The following GBP2 variants were observed in gnomAD, a reference collection of about 807,000 sequenced individuals.
GBP2 encodes guanylate-binding protein 2.
In GBP2, 54 loss-of-function variants were observed where a neutral mutation model predicts 60.8. The observed-to-expected ratio is 0.89, with a 90% CI of 0.71 to 1.11. The LOEUF is 1.11. Among genes scored for constraint, GBP2 ranks in the 50% most tolerant of loss-of-function variants. GBP2 has a pLI of 0.00. For missense variants in GBP2, 665 were observed against 703.3 expected, an observed-to-expected ratio of 0.95 and a Z score of 0.62; for synonymous variants, 243 against 256.5, an observed-to-expected ratio of 0.95 and a Z score of 0.50.
intron 1 of GBP2, among the ~76,000 whole-genome samples, chr1:89,125,208 T>C (rs1371865433): frequency 2.0e-5 from 3 of 152,214 alleles, no homozygotes; most frequent in Admixed American, 2.0e-4. Context: ...CCTTCTTCTA[T>C]AATAAAGAGT....
chr1:89,121,344 A>G lies in GBP2; in HGVS notation c.191-74T>C, dbSNP rs2100619843. The stretch of plus-strand genomic sequence containing the variant: ...TCTGGAAATTGAGATAAAAGTTAAC[A>G]TAATTGAAGTTAAAAGAGATAAAAG... On this transcript the variant is annotated intron_variant, in intron 2 of 10. Transcript: ENST00000370466. 2.3e-6 allele frequency: 3 copies of G among 1,331,630 alleles called. No homozygotes were observed. The South Asian group carries it at 4.6e-5, about 20-fold the overall frequency. The allele number at this position is 1,331,630 out of a possible 1,614,324, so 82.5% of individuals were successfully genotyped here. A position where few individuals can be genotyped will look rare whatever the true frequency, so the allele number is the denominator to read the frequency against.
At chr1:89,112,126 G>C (rs1023020678) in intron 8 of GBP2, among the ~76,000 whole-genome samples, 4 of 152,082 alleles carry the variant, frequency 2.6e-5, no homozygotes, top group African/African-American at 9.7e-5. Context: ...TTTGCTAATT[G>C]CCTGTGTGTA....
chr1:89,116,969 A>T (rs1681284370), intron 6 of GBP2, 23 bp downstream of exon 6: 2 of 1,612,480 alleles, frequency 1.2e-6, no homozygotes, highest in Non-Finnish European at 1.7e-6. Flanking sequence ...CCAGGTAGGA[A>T]GTGGGTAGAG....
At position 89,117,179 on chromosome 1, in the gene GBP2, GA is replaced by G; in HGVS notation, c.680del (p.Phe227SerfsTer22). 1.2e-6 allele frequency: 2 copies of G among 1,614,132 alleles called. No homozygotes were observed. Among genetic ancestry groups the G allele is most frequent in the Non-Finnish European group, 1.7e-6 (2 of 1,179,968 alleles). Reference protein sequence around the residue: ...FNDPRLCIRKFFPKRKCFVFD... With the variant: ...FNDPRLCIRKXFPKRKCFVFD... ...AGACGAAGCACTTCCTCTTGGGGAAGAACTTTCGGATGCACAACCGAGGATC... is the reference window on the plus strand; with the variant it reads ...AGACGAAGCACTTCCTCTTGGGGAAGACTTTCGGATGCACAACCGAGGATC... On this transcript the variant is annotated frameshift_variant, in exon 6 of 11. Coordinates refer to ENST00000370466, the MANE Select transcript of GBP2 (RefSeq NM_004120.5). LOFTEE classifies it high-confidence loss of function.
rs528737459 is a variant in GBP2 at position 89,109,591 on chromosome 1, T to G, written c.1659+86A>C. The G allele has an allele frequency of 4.9e-6, 6 of 1,224,930 alleles. No individual in the cohort carries two copies. In the African/African-American group the frequency reaches 6.1e-5, roughly 12 times the overall value. The allele number at this position is 1,224,930 out of a possible 1,614,324, so 75.9% of individuals were successfully genotyped here. On this transcript the variant is annotated intron_variant, in intron 10 of 10. Coordinates refer to ENST00000370466, the MANE Select transcript of GBP2 (RefSeq NM_004120.5). ...AGTAGTGTCTGGGCTAGAAAGTTTT[T>G]TTGGGAGGCATTAGGTTCTCAACCT...
At chr1:89,111,622 G>GA (rs56287746) in intron 8 of GBP2, among the ~76,000 whole-genome samples, 87,746 of 139,796 alleles carry the variant, frequency 0.63, 28,312 homozygotes, top group East Asian at 0.78. Flanking sequence ...CAGAGGCTGA[G>GA]GGGGTAATGG....
At position 89,110,384 on chromosome 1, in the gene GBP2, A is replaced by C; in HGVS notation, c.1363-118T>G. On this transcript the variant is annotated intron_variant, in intron 8 of 10. Transcript: ENST00000370466. ...GTCATTACACAAAAAAGATACTTGC[A>C]TACGCATGTTTATAGCAGCACAATT... 4 of 764,860 alleles carry C rather than the reference A, an allele frequency of 5.2e-6. No homozygotes were observed. In the South Asian group the frequency reaches 6.1e-5, roughly 12 times the overall value. The allele number at this position is 764,860 out of a possible 1,614,324, so 47.4% of individuals were successfully genotyped here. A position where few individuals can be genotyped will look rare whatever the true frequency, so the allele number is the denominator to read the frequency against.
intron 4 of GBP2, chr1:89,119,617 T>C (rs1211395002): frequency 6.6e-6 from 1 of 152,168 alleles, no homozygotes; most frequent in African/African-American, 2.4e-5. Flanking sequence ...GCAACAAAAA[T>C]AGTGGTGTAG....
At chr1:89,112,953 C>A (rs543972560) in intron 7 of GBP2, 2 of 456,302 alleles carry the variant, frequency 4.4e-6, no homozygotes, top group South Asian at 2.5e-5. Context: ...CTATTTCATA[C>A]GAAACTTTTA....
intron 1 of GBP2, among the ~76,000 whole-genome samples, chr1:89,122,930 T>C (rs983679099): frequency 2.0e-5 from 3 of 152,216 alleles, no homozygotes; most frequent in Non-Finnish European, 2.9e-5. Context: ...CTTTCTCCTC[T>C]ATTTATTTTA....
In GBP2 at chr1:89,121,992, C is replaced by G. The variant is rs779557878; in HGVS notation, c.-17-9G>C. On this transcript the variant is annotated splice_polypyrimidine_tract_variant and intron_variant, in intron 1 of 10. Transcript: ENST00000370466. ...GTCCAGGGTGTTGTTCCCTTGTGTG[C>G]AAGGAAAAAGATGAAATGGAAAGCA... The G allele has an allele frequency of 1.9e-6, 3 of 1,562,590 alleles. No individual in the cohort carries two copies. The highest frequency in any genetic ancestry group is 2.6e-6 in the Non-Finnish European group (3 of 1,152,282).
chr1:89,124,426 CA>C (rs1411862315), intron 1 of GBP2, among the ~76,000 whole-genome samples: 2 of 152,114 alleles, frequency 1.3e-5, no homozygotes, highest in Non-Finnish European at 2.9e-5. Flanking sequence ...GACTTAATTA[CA>C]AAATTTTCTT....
At chr1:89,123,262 C>G (rs1297810907) in intron 1 of GBP2, among the ~76,000 whole-genome samples, 1 of 152,204 alleles carries the variant, frequency 6.6e-6, no homozygotes, top group Non-Finnish European at 1.5e-5. Flanking sequence ...ACAAGATTAT[C>G]ACACTAGGTG....
chr1:89,111,510 G>T (rs1052960584), intron 8 of GBP2, among the ~76,000 whole-genome samples: 2 of 152,014 alleles, frequency 1.3e-5, no homozygotes, highest in African/African-American at 4.8e-5. Flanking sequence ...AATGAAATAA[G>T]CCAGGCACAG....
intron 6 of GBP2, among the ~76,000 whole-genome samples, chr1:89,115,396 T>C (rs1681249195): frequency 6.6e-6 from 1 of 152,116 alleles, no homozygotes; most frequent in Non-Finnish European, 1.5e-5. Context: ...CTACAAAATA[T>C]TCAGAAAGAT....
rs746346593 is a variant in GBP2, at chr1:89,110,285, G to A, written c.1363-19C>T. The A allele has an allele frequency of 1.3e-6, 2 of 1,576,234 alleles. No individual in the cohort carries two copies. The highest frequency in any genetic ancestry group is 3.4e-5 in the Admixed American group (2 of 59,410). Reference sequence around the variant, plus strand: ...CTTTGGCCTGGTTATACAGAGAAAGGTAGAATGAAGAAAGAGTGATTGTGG... The same window carrying A: ...CTTTGGCCTGGTTATACAGAGAAAGATAGAATGAAGAAAGAGTGATTGTGG... On this transcript the variant is annotated intron_variant, in intron 8 of 10. Transcript: ENST00000370466.
chr1:89,115,409 G>A (rs1314006656), intron 6 of GBP2, among the ~76,000 whole-genome samples: 2 of 152,082 alleles, frequency 1.3e-5, no homozygotes, highest in African/African-American at 2.4e-5. Flanking sequence ...AGAAAGATAT[G>A]TATAAACATA....
chr1:89,114,259 G>A lies in GBP2; in HGVS notation c.906C>T (p.Ile302=), dbSNP rs777876311. The change falls in exon 7 of 11, where the codon ATC becomes ATT. Residue 302 remains isoleucine (I), a synonymous_variant. Coordinates refer to ENST00000370466, the MANE Select transcript of GBP2 (RefSeq NM_004120.5). ...CCATGCAGGGTAGATCCCCACTGCT[G>A]ATGGCATTGACGTAGGTCAGCACCA... is the stretch of plus-strand genomic sequence containing the variant. ...ESLVLTYVNA[I]SSGDLPCMEN... 1.9e-6 allele frequency: 3 copies of A among 1,614,242 alleles called. No homozygotes were observed. The highest frequency in any genetic ancestry group is 1.1e-5 in the South Asian group (1 of 91,084).
intron 2 of GBP2, 111 bp from the exon 3 acceptor site, chr1:89,121,381 G>A: frequency 5.4e-6 from 5 of 924,502 alleles, no homozygotes; most frequent in South Asian, 2.3e-5. Context: ...AAATACAACT[G>A]GCATAAATCT....
Sources: allele counts gnomAD v4.1 joint callset (sites outside exome capture counted in the v4.1 genomes callset), GRCh38; gene constraint gnomAD v4.1.1; transcripts MANE v1.5; gene names NCBI Gene and HGNC (gene_info 2026-07-23, HGNC 2026-07-21).